Variants in SCTR observed in about 807,000 individuals in gnomAD.
SCTR encodes secretin receptor, also known as pancreatic secretin receptor.
In SCTR, 56 loss-of-function variants were observed where a neutral mutation model predicts 60.8. That is an observed-to-expected ratio of 0.92 (90% CI 0.74 to 1.15). The LOEUF is 1.15. SCTR is among the 50% of genes most tolerant of loss of function. SCTR has a pLI of 0.00. For synonymous variants in SCTR, 202 were observed against 217.0 expected (o/e 0.93, Z 0.61); for missense variants, 562 against 550.4 (o/e 1.02, Z -0.21).
chr2:119,502,288 A>T (rs1318292259), intron 1 of SCTR, among the ~76,000 whole-genome samples: 1 of 152,152 alleles, frequency 6.6e-6, no homozygotes, highest in Admixed American at 6.6e-5. Flanking sequence ...AGAATCAATT[A>T]AAAAAAGAGA....
intron 1 of SCTR, among the ~76,000 whole-genome samples, chr2:119,502,070 A>C (rs1290199416): frequency 6.6e-6 from 1 of 152,152 alleles, no homozygotes; most frequent in Admixed American, 6.6e-5. Flanking sequence ...AACCTGGGCA[A>C]GATGTCAAAA....
chr2:119,457,280 T>C (rs1391012590), intron 7 of SCTR, among the ~76,000 whole-genome samples: 2 of 152,006 alleles, frequency 1.3e-5, no homozygotes, highest in East Asian at 3.9e-4. Flanking sequence ...TTAATAAGAT[T>C]GAAAGTAAAA....
At chr2:119,482,319 G>T (rs1171270626) in intron 2 of SCTR, among the ~76,000 whole-genome samples, 1 of 152,214 alleles carries the variant, frequency 6.6e-6, no homozygotes, top group Admixed American at 6.5e-5. Context: ...CAGGAGAGGG[G>T]AAGTGGGAGG....
At chr2:119,522,768 C>T (rs992633406) in intron 1 of SCTR, among the ~76,000 whole-genome samples, 10 of 152,174 alleles carry the variant, frequency 6.6e-5, no homozygotes, top group African/African-American at 2.4e-4. Flanking sequence ...CACCCCCAGC[C>T]ACGGAATAAC....
intron 2 of SCTR, chr2:119,486,004 A>T (rs1677853968): frequency 6.6e-6 from 1 of 152,102 alleles, no homozygotes; most frequent in Admixed American, 6.6e-5. Context: ...CTACAGTCTT[A>T]AGTCAAGAAG....
intron 7 of SCTR, among the ~76,000 whole-genome samples, chr2:119,458,442 A>T (rs564796873): frequency 6.6e-6 from 1 of 152,122 alleles, no homozygotes; most frequent in East Asian, 1.9e-4. Flanking sequence ...TCCACTAAAA[A>T]CACAAAAAAT....
In SCTR at chr2:119,524,373, C is replaced by A; in HGVS notation, c.-147G>T. 2.1e-6 allele frequency: 1 copy of A among 469,946 alleles called. No individual in the cohort carries two copies. The highest frequency in any genetic ancestry group is 3.5e-6 in the Non-Finnish European group (1 of 283,592). 29.1% of individuals were successfully genotyped at this position (469,946 alleles called of 1,614,324 possible). A position where few individuals can be genotyped will look rare whatever the true frequency, so the allele number is the denominator to read the frequency against. Reference sequence around the variant, plus strand: ...CATGGCTGAGCCACCCGACCTGCGGCGGGCCCCGGGACTGCTCCTCCTCGG... The same window carrying A: ...CATGGCTGAGCCACCCGACCTGCGGAGGGCCCCGGGACTGCTCCTCCTCGG... On this transcript the variant is annotated 5_prime_UTR_variant, in exon 1 of 13. Coordinates refer to ENST00000019103, the MANE Select transcript of SCTR (RefSeq NM_002980.3).
At chr2:119,510,062 G>A (rs1233229199) in intron 1 of SCTR, among the ~76,000 whole-genome samples, 3 of 151,702 alleles carry the variant, frequency 2.0e-5, no homozygotes, top group Non-Finnish European at 2.9e-5. Flanking sequence ...GTATACATGT[G>A]CCATGTTGGT....
At chr2:119,512,035 T>G (rs1403808339) in intron 1 of SCTR, among the ~76,000 whole-genome samples, 1 of 152,194 alleles carries the variant, frequency 6.6e-6, no homozygotes, top group African/African-American at 2.4e-5. Flanking sequence ...TCTTTGTTCT[T>G]AGGTATTTTG....
chr2:119,500,864 C>T (rs78870628), intron 1 of SCTR, among the ~76,000 whole-genome samples: 1 of 152,048 alleles, frequency 6.6e-6, no homozygotes, highest in African/African-American at 2.4e-5. Context: ...TTCAAAATAG[C>T]TAGAAGACAA....
At chr2:119,461,711 C>CAAAAA (rs539293803) in intron 7 of SCTR, 136 bp downstream of exon 7, 5 of 294,398 alleles carry the variant, frequency 1.7e-5, no homozygotes, top group Admixed American at 8.0e-5. Context: ...AACTCCAACT[C>CAAAAA]AAAAAAAAAA....
At chr2:119,483,448 C>T (rs901877604) in intron 2 of SCTR, among the ~76,000 whole-genome samples, 3 of 152,278 alleles carry the variant, frequency 2.0e-5, no homozygotes, top group Non-Finnish European at 2.9e-5. Flanking sequence ...GGCAGCAGAC[C>T]TGGCTGCTAG....
intron 1 of SCTR, among the ~76,000 whole-genome samples, chr2:119,505,826 T>A (rs537810583): frequency 6.6e-6 from 1 of 152,052 alleles, no homozygotes; most frequent in Non-Finnish European, 1.5e-5. Flanking sequence ...CTGCATGTTG[T>A]GCACACGTAC....
intron 1 of SCTR, among the ~76,000 whole-genome samples, chr2:119,505,671 A>G (rs1224781207): frequency 1.4e-5 from 2 of 146,076 alleles, no homozygotes; most frequent in Non-Finnish European, 3.0e-5. Flanking sequence ...ACACATGGAC[A>G]CAGGAAGGGG....
intron 1 of SCTR, among the ~76,000 whole-genome samples, chr2:119,509,997 T>A (rs933843259): frequency 2.7e-4 from 41 of 152,074 alleles, no homozygotes; most frequent in African/African-American, 3.1e-4. Flanking sequence ...TTTTTTTTTT[T>A]ATTTTACTTT....
chr2:119,460,219 G>T (rs779815660), intron 7 of SCTR, among the ~76,000 whole-genome samples: 2 of 151,916 alleles, frequency 1.3e-5, no homozygotes, highest in African/African-American at 4.8e-5. Context: ...GGGCATTCCT[G>T]GCAGGGACAC....
intron 1 of SCTR, among the ~76,000 whole-genome samples, chr2:119,515,244 T>C (rs762749180): frequency 6.6e-6 from 1 of 152,130 alleles, no homozygotes; most frequent in Non-Finnish European, 1.5e-5. Flanking sequence ...GAATTTTAAA[T>C]GGGAGTGGCA....
rs760827359 is a variant in SCTR at position 119,478,899 on chromosome 2, G to T, written c.213C>A (p.Asp71Glu). The T allele has an allele frequency of 2.0e-5, 33 of 1,614,034 alleles. No individual in the cohort carries two copies. Among genetic ancestry groups the T allele is most frequent in the South Asian group, 5.5e-5 (5 of 91,090 alleles). ...CAGAAGAGGGCCAGCAGCTTATGTT[G>T]TCCCACATCCCCTCACAACCTGCCA... is the stretch of plus-strand genomic sequence containing the variant. ...QPVPGCEGMW[D>E]NISCWPSSVP... Residue 71 changes from aspartate (D) to glutamate (E), a missense_variant, in exon 3 of 13, where the codon GAC (aspartate) becomes GAA (glutamate). Transcript: ENST00000019103.
chr2:119,451,968 C>T, intron 9 of SCTR, 42 bp downstream of exon 9: 1 of 1,293,668 alleles, frequency 7.7e-7, no homozygotes, highest in Non-Finnish European at 1.1e-6. Flanking sequence ...CCATTTCCGT[C>T]TCTCCCACTG....
Sources: gnomAD v4.1 joint callset for allele counts (sites outside exome capture counted in the v4.1 genomes callset) on GRCh38, gnomAD v4.1.1 for gene constraint, MANE v1.5 for transcripts, NCBI Gene and HGNC (gene_info 2026-07-23, HGNC 2026-07-21) for gene names.